The following NAV2 variants were observed in gnomAD, a reference collection of about 807,000 sequenced individuals.
The protein encoded by NAV2 is neuron navigator 2.
A neutral mutation model predicts 223.2 loss-of-function variants in NAV2; 54 were observed. The observed-to-expected ratio is 0.24, with a 90% CI of 0.19 to 0.30. The LOEUF (loss-of-function observed/expected upper bound fraction) is 0.30. Among genes scored for constraint, NAV2 ranks in the 10% least tolerant of loss-of-function variants. The probability of loss-of-function intolerance (pLI) is 1.00; values close to 1 mark genes in which losing one functional copy is unlikely to be tolerated. For missense variants in NAV2, 2,806 were observed against 3,147.5 expected, an observed-to-expected ratio of 0.89 and a Z score of 2.60; for synonymous variants, 1,279 against 1,239.3, an observed-to-expected ratio of 1.03 and a Z score of -0.67.
At chr11:19,347,546 T>A (rs1853072814), upstream of NAV2, among the ~76,000 whole-genome samples, 1 of 152,134 alleles carries the variant, frequency 6.6e-6, no homozygotes, top group Non-Finnish European at 1.5e-5. Context: ...GTTCAGAAGA[T>A]CTTCAGTAAG....
intron 10 of NAV2, among the ~76,000 whole-genome samples, chr11:19,956,236 A>G (rs1649117632): frequency 6.6e-6 from 1 of 152,126 alleles, no homozygotes; most frequent in African/African-American, 2.4e-5. Flanking sequence ...TTCCCCACAC[A>G]ACCAATTCTC....
chr11:19,721,520 T>C (rs186101578), intron 1 of NAV2, among the ~76,000 whole-genome samples: 11 of 152,352 alleles, frequency 7.2e-5, no homozygotes, highest in African/African-American at 1.2e-4. Flanking sequence ...TTATGAATCA[T>C]TATTTAAGAC....
At chr11:20,092,521 C>T (rs2060924357) in intron 28 of NAV2, among the ~76,000 whole-genome samples, 153 bp downstream of exon 28, 1 of 152,182 alleles carries the variant, frequency 6.6e-6, no homozygotes, top group Admixed American at 6.5e-5. Flanking sequence ...GGGTGTGAGT[C>T]TGCTACCAAC....
intron 1 of NAV2, among the ~76,000 whole-genome samples, chr11:19,828,603 G>A (rs928633542): frequency 1.3e-5 from 2 of 152,190 alleles, no homozygotes; most frequent in Non-Finnish European, 2.9e-5. Context: ...ATCCCCCCAC[G>A]TCAGCCTCCT....
intron 22 of NAV2, among the ~76,000 whole-genome samples, chr11:20,070,352 T>A (rs1228606724): frequency 6.6e-6 from 1 of 152,196 alleles, no homozygotes. Flanking sequence ...GAGTTACAGA[T>A]GCCAATTGTT....
At chr11:19,357,719 G>A (rs1432694468) in intron 1 of NAV2, among the ~76,000 whole-genome samples, 3 of 152,170 alleles carry the variant, frequency 2.0e-5, no homozygotes, top group Non-Finnish European at 4.4e-5. Context: ...AAAAGAAAGT[G>A]TACTTTTCTG....
Position 19,576,169 on chromosome 11 carries a change from C to G in NAV2, c.75+225142C>G, listed in dbSNP as rs552598159. On this transcript the variant is annotated intron_variant, in intron 1 of 37. Coordinates refer to the NAV2 transcript ENST00000360655. ...GTCTACACTCTCCATTCCAAGCTAG[C>G]ATACTCCTTTCTGATCCTCAGCCAC... 5.3e-5 allele frequency among the ~76,000 whole-genome samples: 8 copies of G among 152,328 alleles called. No individual in the cohort carries two copies. In the South Asian group the frequency reaches 1.4e-3, roughly 28 times the overall value.
intron 1 of NAV2, among the ~76,000 whole-genome samples, chr11:19,544,910 C>T (rs1448118924): frequency 6.6e-6 from 1 of 152,180 alleles, no homozygotes; most frequent in Non-Finnish European, 1.5e-5. Flanking sequence ...CCTGCCTCAC[C>T]AAAATGTTGC....
intron 1 of NAV2, among the ~76,000 whole-genome samples, chr11:19,397,570 T>C (rs1388819329): frequency 6.6e-6 from 1 of 152,210 alleles, no homozygotes; most frequent in African/African-American, 2.4e-5. Flanking sequence ...ACATCATCTT[T>C]ACATTTTATT....
At chr11:19,451,218 C>T (rs931534841) in intron 1 of NAV2, among the ~76,000 whole-genome samples, 2 of 152,076 alleles carry the variant, frequency 1.3e-5, no homozygotes, top group East Asian at 1.9e-4. Context: ...GTTCCAAAAC[C>T]GAGTCCCAAG....
intron 1 of NAV2, among the ~76,000 whole-genome samples, chr11:19,374,959 T>G (rs1278465798): frequency 6.6e-6 from 1 of 152,190 alleles, no homozygotes; most frequent in African/African-American, 2.4e-5. Flanking sequence ...ATTGTAGCTA[T>G]CCCTTCTGAT....
intron 1 of NAV2, among the ~76,000 whole-genome samples, chr11:19,490,805 C>T (rs1005639616): frequency 6.6e-6 from 1 of 152,166 alleles, no homozygotes; most frequent in African/African-American, 2.4e-5. Context: ...ATTTACTTTG[C>T]TCAGCTCCAT....
At chr11:19,453,208 G>A (rs1257056322) in intron 1 of NAV2, among the ~76,000 whole-genome samples, 1 of 152,186 alleles carries the variant, frequency 6.6e-6, no homozygotes, top group Non-Finnish European at 1.5e-5. Context: ...TTTGTGCCCT[G>A]TAGATCCCCA....
chr11:19,926,362 C>A (rs1006431795), intron 6 of NAV2, among the ~76,000 whole-genome samples: 30 of 152,298 alleles, frequency 2.0e-4, no homozygotes, highest in African/African-American at 7.2e-4. Flanking sequence ...GCCCCGCTTA[C>A]CTTCTTTACT....
chr11:19,564,325 A>G (rs1162512384), intron 1 of NAV2, among the ~76,000 whole-genome samples: 2 of 152,240 alleles, frequency 1.3e-5, no homozygotes, highest in Non-Finnish European at 2.9e-5. Context: ...GTGGACAGGA[A>G]TATCTGGTGA....
rs139032492 is a variant in NAV2, at chr11:19,361,951, A to G, written c.75+10924A>G. Among the ~76,000 whole-genome samples the G allele has an allele frequency of 2.0e-3, 310 of 152,234 alleles. 1 individual carries two copies. Among genetic ancestry groups the G allele is most frequent in the African/African-American group, 7.1e-3 (294 of 41,532 alleles). ...CCCTAGGCTCCCATAATGATGCCCA[A>G]ATATCATGGATTTCAGCTAGATTAG... On this transcript the variant is annotated intron_variant, in intron 1 of 37. Transcript: ENST00000360655.
chr11:19,567,383 T>A (rs538858443), intron 1 of NAV2, among the ~76,000 whole-genome samples: 1 of 152,330 alleles, frequency 6.6e-6, no homozygotes, highest in Admixed American at 6.5e-5. Context: ...TTCCATGCAA[T>A]GTTTTGGACC....
At chr11:19,782,629 A>G (rs997529943) in intron 1 of NAV2, among the ~76,000 whole-genome samples, 1 of 152,126 alleles carries the variant, frequency 6.6e-6, no homozygotes, top group African/African-American at 2.4e-5. Flanking sequence ...CACATGGACC[A>G]GGCTGCCATT....
At chr11:19,424,929 G>A (rs921535620) in intron 1 of NAV2, among the ~76,000 whole-genome samples, 8 of 152,092 alleles carry the variant, frequency 5.3e-5, no homozygotes, top group Non-Finnish European at 1.2e-4. Context: ...TTAAATTGGA[G>A]TAATTTTGCT....
Sources: gnomAD v4.1 joint callset for allele counts (sites outside exome capture counted in the v4.1 genomes callset) on GRCh38, gnomAD v4.1.1 for gene constraint, MANE v1.5 for transcripts, NCBI Gene and HGNC (gene_info 2026-07-23, HGNC 2026-07-21) for gene names.